SERP1: variants seen among roughly 807,000 people sequenced by gnomAD.
The protein encoded by SERP1 is stress-associated endoplasmic reticulum protein 1.
SERP1 carries 6 observed loss-of-function variants against 8.8 expected under a neutral mutation model. That is an observed-to-expected ratio of 0.68 (90% confidence interval 0.37 to 1.35). The LOEUF is 1.35. SERP1 is among the 40% of genes most tolerant of loss of function. SERP1 has a pLI of 0.02. For missense variants in SERP1, 52 were observed against 86.2 expected, an observed-to-expected ratio of 0.60 and a Z score of 1.57; for synonymous variants, 36 against 28.7, an observed-to-expected ratio of 1.25 and a Z score of -0.81.
At position 150,543,142 on chromosome 3, in the gene SERP1, G is replaced by C. The variant is rs950168412; in HGVS notation, c.*1316C>G. 6.6e-6 allele frequency: 1 copy of C among 152,450 alleles called. No individual in the cohort carries two copies. The highest frequency in any genetic ancestry group is 6.6e-5 in the Admixed American group (1 of 15,258). 9.4% of individuals were successfully genotyped at this position (152,450 alleles called of 1,614,324 possible). A position where few individuals can be genotyped will look rare whatever the true frequency, so the allele number is the denominator to read the frequency against. Reference sequence around the variant, plus strand: ...CTTATTTTAAAAGAAATATCCTGAGGCAATTAACAAAGCAAACACAAGCAG... The same window carrying C: ...CTTATTTTAAAAGAAATATCCTGAGCCAATTAACAAAGCAAACACAAGCAG... On this transcript the variant is annotated 3_prime_UTR_variant, in exon 3 of 3. Transcript: ENST00000239944.
rs923754839 is a variant in SERP1, at chr3:150,543,361, A to T, written c.*1097T>A. On this transcript the variant is annotated 3_prime_UTR_variant, in exon 3 of 3. Transcript: ENST00000239944. The stretch of plus-strand genomic sequence containing the variant: ...CATAACCTATAAAGTCATATAACAA[A>T]GGGAAGACTAAAGACTGATCATTAT... 2 of 152,626 alleles carry T rather than the reference A, an allele frequency of 1.3e-5. No homozygotes were observed. Among genetic ancestry groups the T allele is most frequent in the Admixed American group, 1.3e-4 (2 of 15,284 alleles). The allele number at this position is 152,626 out of a possible 1,614,324, so 9.5% of individuals were successfully genotyped here. A position where few individuals can be genotyped will look rare whatever the true frequency, so the allele number is the denominator to read the frequency against.
intron 2 of SERP1, 81 bp downstream of exon 2, chr3:150,545,622 C>G: frequency 7.5e-7 from 1 of 1,337,034 alleles, no homozygotes; most frequent in Non-Finnish European, 1.1e-6. Flanking sequence ...GCAGGTAGGA[C>G]TCACTACTGA....
chr3:150,544,926 C>T (rs1415818315), intron 2 of SERP1, among the ~76,000 whole-genome samples: 1 of 152,190 alleles, frequency 6.6e-6, no homozygotes, highest in Non-Finnish European at 1.5e-5. Context: ...GGCTCTCATC[C>T]ATTTATCAGG....
In SERP1 at chr3:150,543,742, GT is replaced by G. The variant is rs1472418210; in HGVS notation, c.*715del. 2.7e-5 allele frequency: 4 copies of G among 147,496 alleles called. No individual in the cohort carries two copies. The highest frequency in any genetic ancestry group is 7.0e-5 in the Admixed American group (1 of 14,340). The allele number at this position is 147,496 out of a possible 1,614,324, so 9.1% of individuals were successfully genotyped here. On this transcript the variant is annotated 3_prime_UTR_variant, in exon 3 of 3. Coordinates refer to ENST00000239944, the MANE Select transcript of SERP1 (RefSeq NM_014445.4). ...CACGGTAGCTTTTAGTGAAACCACA[GT>G]AACTGATTAAGTCAGAAAACGATCA...
chr3:150,544,434 G>A lies in SERP1; in HGVS notation c.*24C>T, dbSNP rs779403834. ...TTCAAGTTAAAATTCACAGGAGAAT[G>A]GAAACATCTTAAGGTCAGTCACTTC... On this transcript the variant is annotated 3_prime_UTR_variant, in exon 3 of 3. Transcript: ENST00000239944. 9.3e-6 allele frequency: 15 copies of A among 1,605,622 alleles called. No homozygotes were observed. The highest frequency in any genetic ancestry group is 1.2e-5 in the Non-Finnish European group (14 of 1,172,942).
At chr3:150,544,613 G>A in intron 2 of SERP1, 115 bp from the exon 3 acceptor site, 2 of 731,182 alleles carry the variant, frequency 2.7e-6, no homozygotes, top group South Asian at 3.6e-5. Context: ...ATTTGCAAAT[G>A]GTACATAACT....
intron 2 of SERP1, chr3:150,545,391 A>G: frequency 2.3e-6 from 1 of 436,744 alleles, no homozygotes. Flanking sequence ...ATGGAGTTAC[A>G]AAACATTCTA....
chr3:150,543,932 G>GC lies in SERP1; in HGVS notation c.*525dup, dbSNP rs944625832. Reference sequence around the variant, plus strand: ...AACTTTTTAGATGCTAAAGGTTGTGGCAAAACTAGGCTGTGTAGTTGTTCC... The same window carrying GC: ...AACTTTTTAGATGCTAAAGGTTGTGGCCAAAACTAGGCTGTGTAGTTGTTCC... On this transcript the variant is annotated 3_prime_UTR_variant, in exon 3 of 3. Transcript: ENST00000239944. 1 of 152,300 alleles carries GC rather than the reference G, an allele frequency of 6.6e-6. No individual in the cohort carries two copies. Among genetic ancestry groups the GC allele is most frequent in the African/African-American group, 2.4e-5 (1 of 41,346 alleles). 9.4% of individuals were successfully genotyped at this position (152,300 alleles called of 1,614,324 possible).
intron 2 of SERP1, chr3:150,545,378 A>T: frequency 2.3e-6 from 1 of 433,296 alleles, no homozygotes; most frequent in East Asian, 3.4e-5. Context: ...GCAAAGACTG[A>T]TAATGGAGTT....
intron 1 of SERP1, 126 bp downstream of exon 1, chr3:150,545,926 G>A: frequency 7.2e-7 from 1 of 1,394,666 alleles, no homozygotes; most frequent in Non-Finnish European, 9.9e-7. Flanking sequence ...TCGCAGACTC[G>A]GGCCCCTACC....
chr3:150,546,194 C>T lies in SERP1; in HGVS notation c.-59G>A, dbSNP rs1723009125. On this transcript the variant is annotated 5_prime_UTR_variant, in exon 1 of 3. Transcript: ENST00000239944. ...TCGGACTCGCTCACTCGCCTGCCTCCTCTGGAGCCGCTGCGAGGCTCGGCT... is the reference window on the plus strand; with the variant it reads ...TCGGACTCGCTCACTCGCCTGCCTCTTCTGGAGCCGCTGCGAGGCTCGGCT... 6.3e-7 allele frequency: 1 copy of T among 1,581,530 alleles called. No individual in the cohort carries two copies. Among genetic ancestry groups the T allele is most frequent in the Non-Finnish European group, 8.6e-7 (1 of 1,158,034 alleles).
intron 1 of SERP1, 119 bp downstream of exon 1, chr3:150,545,933 T>C: frequency 7.0e-7 from 1 of 1,422,500 alleles, no homozygotes; most frequent in South Asian, 1.2e-5. Flanking sequence ...CTCGGGCCCC[T>C]ACCCCTCCAC....
chr3:150,544,628 T>C (rs2107886263), intron 2 of SERP1, 130 bp from the exon 3 acceptor site: 5 of 645,114 alleles, frequency 7.8e-6, no homozygotes, highest in Non-Finnish European at 1.4e-5. Context: ...ATAACTTCAG[T>C]ATAATAAGAA....
intron 2 of SERP1, 107 bp downstream of exon 2, chr3:150,545,596 G>A (rs1239398925): frequency 1.1e-5 from 11 of 1,027,186 alleles, no homozygotes; most frequent in Non-Finnish European, 1.6e-5. Flanking sequence ...TCCTCGGCAG[G>A]TGGGTTGAGA....
In SERP1 at chr3:150,546,168, C is replaced by T. The variant is rs1723006810; in HGVS notation, c.-33G>A. 1 of 1,607,684 alleles carries T rather than the reference C, an allele frequency of 6.2e-7. No homozygotes were observed. The highest frequency in any genetic ancestry group is 8.5e-7 in the Non-Finnish European group (1 of 1,177,600). On this transcript the variant is annotated 5_prime_UTR_variant, in exon 1 of 3. Coordinates refer to ENST00000239944, the MANE Select transcript of SERP1 (RefSeq NM_014445.4). ...GCGCCACCACCTGCCCCGGCCACCC[C>T]TCGGACTCGCTCACTCGCCTGCCTC...
Position 150,543,852 on chromosome 3 carries a change from T to C in SERP1, c.*606A>G, listed in dbSNP as rs957444056. 12 of 152,110 alleles carry C rather than the reference T, an allele frequency of 7.9e-5. No individual in the cohort carries two copies. The highest frequency in any genetic ancestry group is 7.2e-4 in the Admixed American group (11 of 15,274). The allele number at this position is 152,110 out of a possible 1,614,324, so 9.4% of individuals were successfully genotyped here. A position where few individuals can be genotyped will look rare whatever the true frequency, so the allele number is the denominator to read the frequency against. On this transcript the variant is annotated 3_prime_UTR_variant, in exon 3 of 3. Coordinates refer to ENST00000239944, the MANE Select transcript of SERP1 (RefSeq NM_014445.4). Reference sequence around the variant, plus strand: ...TGTAATGGAAACAATATTGGTAAAATAGATGTTGTGGCTATAAGCATCTCC... The same window carrying C: ...TGTAATGGAAACAATATTGGTAAAACAGATGTTGTGGCTATAAGCATCTCC...
Position 150,544,504 on chromosome 3 carries a change from A to G in SERP1, c.161-6T>C, listed in dbSNP as rs774283378. 6 of 1,609,002 alleles carry G rather than the reference A, an allele frequency of 3.7e-6. No individual in the cohort carries two copies. Among genetic ancestry groups the G allele is most frequent in the Non-Finnish European group, 5.1e-6 (6 of 1,175,912 alleles). On this transcript the variant is annotated splice_region_variant and splice_polypyrimidine_tract_variant and intron_variant, in intron 2 of 2. Coordinates refer to ENST00000239944, the MANE Select transcript of SERP1 (RefSeq NM_014445.4). ...TTGAATAATCTGGAAAATTGCTGTA[A>G]AAAGAAAGAGCAAATATTAAAATAA... is the stretch of plus-strand genomic sequence containing the variant.
chr3:150,545,961 G>T, intron 1 of SERP1, 91 bp downstream of exon 1: 3 of 1,539,904 alleles, frequency 1.9e-6, no homozygotes, highest in Non-Finnish European at 2.7e-6. Flanking sequence ...GCCCACGGTC[G>T]GCCGGATCCG....
chr3:150,542,055 A>G lies in SERP1; in HGVS notation c.*2403T>C, dbSNP rs775430274. ...AGCCCATCACAATGCATCCTGTTACAATGGAAATCTTATTTTTGGAAGTCC... is the reference window on the plus strand; with the variant it reads ...AGCCCATCACAATGCATCCTGTTACGATGGAAATCTTATTTTTGGAAGTCC... On this transcript the variant is annotated 3_prime_UTR_variant, in exon 3 of 3. Transcript: ENST00000239944. The G allele has an allele frequency of 9.2e-5, 14 of 152,212 alleles. No homozygotes were observed. The highest frequency in any genetic ancestry group is 5.9e-4 in the Admixed American group (9 of 15,292). 9.4% of individuals were successfully genotyped at this position (152,212 alleles called of 1,614,324 possible). A position where few individuals can be genotyped will look rare whatever the true frequency, so the allele number is the denominator to read the frequency against.
Sources: gnomAD v4.1 joint callset for allele counts (sites outside exome capture counted in the v4.1 genomes callset) on GRCh38, gnomAD v4.1.1 for gene constraint, MANE v1.5 for transcripts, NCBI Gene and HGNC (gene_info 2026-07-23, HGNC 2026-07-21) for gene names.